NR3C2: variants seen among roughly 807,000 people sequenced by gnomAD.
The protein encoded by NR3C2 is mineralocorticoid receptor.
In NR3C2, 15 loss-of-function variants were observed where a neutral mutation model predicts 86.4. The observed-to-expected ratio is 0.17, with a 90% CI of 0.12 to 0.27. NR3C2 has a LOEUF of 0.27. Ranked by LOEUF, NR3C2 falls within the 10% of genes least tolerant of loss-of-function variation. The probability of loss-of-function intolerance (pLI) is 1.00; values close to 1 mark genes in which losing one functional copy is unlikely to be tolerated. For synonymous variants in NR3C2, 458 were observed against 450.5 expected, an observed-to-expected ratio of 1.02 and a Z score of -0.21; for missense variants, 960 against 1,195.6, an observed-to-expected ratio of 0.80 and a Z score of 2.91.
At position 148,377,928 on chromosome 4, in the gene NR3C2, C is replaced by A. The variant is rs1269268409; in HGVS notation, c.1757+57176G>T. ...AATGGGTGTGTGGTACAAATGAAGACCGGGCAAGCATGGCATGGAAGCCTT... is the reference window on the plus strand; with the variant it reads ...AATGGGTGTGTGGTACAAATGAAGAACGGGCAAGCATGGCATGGAAGCCTT... On this transcript the variant is annotated intron_variant, in intron 2 of 8. Coordinates refer to ENST00000358102, the MANE Select transcript of NR3C2 (RefSeq NM_000901.5). Among the ~76,000 whole-genome samples, 3 of 152,112 alleles carry A rather than the reference C, an allele frequency of 2.0e-5. No individual in the cohort carries two copies. The South Asian group carries it at 6.2e-4, about 32-fold the overall frequency.
chr4:148,357,902 T>G (rs1745628357), intron 2 of NR3C2, among the ~76,000 whole-genome samples: 2 of 152,250 alleles, frequency 1.3e-5, no homozygotes, highest in Non-Finnish European at 2.9e-5. Context: ...CCTTTTGATT[T>G]ATGCTGTTGT....
intron 4 of NR3C2, among the ~76,000 whole-genome samples, chr4:148,157,579 T>C (rs1476494620): frequency 6.6e-6 from 1 of 151,808 alleles, no homozygotes; most frequent in Non-Finnish European, 1.5e-5. Context: ...GGGAGGTAGA[T>C]GGGTAGATGG....
chr4:148,158,871 A>G (rs1734526071), intron 4 of NR3C2, among the ~76,000 whole-genome samples: 1 of 152,246 alleles, frequency 6.6e-6, no homozygotes, highest in Non-Finnish European at 1.5e-5. Flanking sequence ...TTTCAGGTAC[A>G]TTTAACTTTA....
chr4:148,181,623 G>A (rs1290951259), intron 4 of NR3C2, among the ~76,000 whole-genome samples: 1 of 152,186 alleles, frequency 6.6e-6, no homozygotes, highest in Non-Finnish European at 1.5e-5. Context: ...TTTGAAAAAA[G>A]CTACACAAAG....
intron 6 of NR3C2, among the ~76,000 whole-genome samples, chr4:148,141,385 G>A (rs1009574692): frequency 6.6e-6 from 1 of 151,932 alleles, no homozygotes; most frequent in African/African-American, 2.4e-5. Context: ...ACACACCAGT[G>A]CACTCCAGCC....
intron 2 of NR3C2, among the ~76,000 whole-genome samples, chr4:148,337,729 T>C (rs1375559482): frequency 6.6e-6 from 1 of 152,180 alleles, no homozygotes; most frequent in African/African-American, 2.4e-5. Context: ...AGTAGAAATA[T>C]ATGGTACATT....
chr4:148,108,567 C>A (rs528319480), intron 8 of NR3C2, among the ~76,000 whole-genome samples: 3 of 152,186 alleles, frequency 2.0e-5, no homozygotes, highest in Non-Finnish European at 4.4e-5. Context: ...AGAAGAGCCA[C>A]GTCAGCTTCT....
At chr4:148,283,528 C>G (rs1326195705) in intron 2 of NR3C2, among the ~76,000 whole-genome samples, 3 of 152,052 alleles carry the variant, frequency 2.0e-5, no homozygotes, top group Admixed American at 2.0e-4. Flanking sequence ...CTGAAAGGCT[C>G]AAGAAATTGA....
chr4:148,419,670 T>C (rs1749183003), intron 2 of NR3C2, among the ~76,000 whole-genome samples: 1 of 152,198 alleles, frequency 6.6e-6, no homozygotes, highest in African/African-American at 2.4e-5. Flanking sequence ...TGCAGTGTAC[T>C]GTTTTGGAAA....
At chr4:148,373,103 A>G (rs1746497340) in intron 2 of NR3C2, among the ~76,000 whole-genome samples, 1 of 152,184 alleles carries the variant, frequency 6.6e-6, no homozygotes, top group African/African-American at 2.4e-5. Context: ...TTCCTCCTGA[A>G]TAACTTTTAT....
chr4:148,189,330 A>T (rs1369589660), intron 4 of NR3C2, among the ~76,000 whole-genome samples: 1 of 152,108 alleles, frequency 6.6e-6, no homozygotes, highest in Non-Finnish European at 1.5e-5. Flanking sequence ...TGTTTATGTA[A>T]CATATCACAT....
intron 2 of NR3C2, among the ~76,000 whole-genome samples, chr4:148,385,802 A>T (rs907617): frequency 1.3e-5 from 2 of 152,166 alleles, no homozygotes; most frequent in African/African-American, 4.8e-5. Flanking sequence ...AGGACCTGCT[A>T]CAACCTCGAA....
intron 2 of NR3C2, among the ~76,000 whole-genome samples, chr4:148,378,333 AAC>A (rs1746782433): frequency 6.6e-6 from 1 of 152,116 alleles, no homozygotes; most frequent in Admixed American, 6.5e-5. Context: ...AGAACTGGGC[AAC>A]AGTGTATAAA....
At chr4:148,279,425 G>A (rs1022587530) in intron 2 of NR3C2, among the ~76,000 whole-genome samples, 1 of 152,144 alleles carries the variant, frequency 6.6e-6, no homozygotes, top group African/African-American at 2.4e-5. Context: ...TTGGATGAGC[G>A]ATAACTATCG....
At chr4:148,306,622 A>G (rs540509820) in intron 2 of NR3C2, among the ~76,000 whole-genome samples, 1 of 152,348 alleles carries the variant, frequency 6.6e-6, no homozygotes, top group African/African-American at 2.4e-5. Context: ...TCATTCTTCA[A>G]TAATGTTTTT....
At chr4:148,315,613 T>C (rs1404019649) in intron 2 of NR3C2, among the ~76,000 whole-genome samples, 9 of 152,202 alleles carry the variant, frequency 5.9e-5, no homozygotes, top group African/African-American at 2.2e-4. Flanking sequence ...ACAAACATTC[T>C]AAAGAAACAG....
chr4:148,177,371 C>G (rs1195087327), intron 4 of NR3C2, among the ~76,000 whole-genome samples: 1 of 152,080 alleles, frequency 6.6e-6, no homozygotes, highest in Non-Finnish European at 1.5e-5. Context: ...ACTACTAAGA[C>G]TGAAGGACTG....
At chr4:148,085,494 T>C (rs529219811) in intron 8 of NR3C2, among the ~76,000 whole-genome samples, 1 of 152,314 alleles carries the variant, frequency 6.6e-6, no homozygotes, top group East Asian at 1.9e-4. Context: ...GCTAAAGCAG[T>C]GTTCAGACGG....
intron 2 of NR3C2, among the ~76,000 whole-genome samples, chr4:148,332,075 T>C (rs959866185): frequency 2.6e-5 from 4 of 152,132 alleles, no homozygotes; most frequent in Non-Finnish European, 5.9e-5. Context: ...AACTTGAAAA[T>C]AGTATTAATA....
Sources: allele counts gnomAD v4.1 joint callset (sites outside exome capture counted in the v4.1 genomes callset), GRCh38; gene constraint gnomAD v4.1.1; transcripts MANE v1.5; gene names NCBI Gene and HGNC (gene_info 2026-07-23, HGNC 2026-07-21).